Variants in APBB2 observed in about 807,000 individuals in gnomAD.
APBB2 encodes the protein Fe65-like 1.
In APBB2, 38 loss-of-function variants were observed where a neutral mutation model predicts 82.5. The observed-to-expected ratio is 0.46, with a 90% CI of 0.36 to 0.60. APBB2 has a LOEUF of 0.60. Among genes scored for constraint, APBB2 ranks in the 20% least tolerant of loss-of-function variants. APBB2 has a pLI of 0.00. For synonymous variants in APBB2, 341 were observed against 368.2 expected (o/e 0.93, Z 0.85); for missense variants, 772 against 972.3 (o/e 0.79, Z 2.74).
At chr4:40,838,862 A>T (rs1184514096) in intron 12 of APBB2, among the ~76,000 whole-genome samples, 1 of 152,174 alleles carries the variant, frequency 6.6e-6, no homozygotes, top group Non-Finnish European at 1.5e-5. Context: ...GAATTTGCTT[A>T]TGTGTTTACC....
intron 1 of APBB2, among the ~76,000 whole-genome samples, chr4:41,199,839 A>G (rs1489856958): frequency 6.6e-6 from 1 of 152,214 alleles, no homozygotes; most frequent in Non-Finnish European, 1.5e-5. Flanking sequence ...GCTCTACATC[A>G]GCTATACTTT....
intron 1 of APBB2, among the ~76,000 whole-genome samples, chr4:41,190,086 TA>T (rs1440232989): frequency 6.6e-6 from 1 of 150,786 alleles, no homozygotes; most frequent in African/African-American, 2.5e-5. Context: ...CACGTGCTAT[TA>T]TTTTTTTTCA....
intron 10 of APBB2, among the ~76,000 whole-genome samples, chr4:40,933,302 C>G (rs893834337): frequency 1.1e-4 from 16 of 152,316 alleles, no homozygotes; most frequent in African/African-American, 3.8e-4. Flanking sequence ...TCTGGGTACC[C>G]TCTCCCATCA....
intron 5 of APBB2, among the ~76,000 whole-genome samples, chr4:41,030,296 A>G (rs1716233071): frequency 1.3e-5 from 2 of 152,226 alleles, no homozygotes; most frequent in South Asian, 4.1e-4. Flanking sequence ...TCAGTTATTT[A>G]GGAAGCACAA....
chr4:40,833,097 A>G (rs1405651376), intron 12 of APBB2, among the ~76,000 whole-genome samples: 1 of 152,182 alleles, frequency 6.6e-6, no homozygotes, highest in African/African-American at 2.4e-5. Flanking sequence ...TTTGGAGATC[A>G]CACTCAAGGG....
At position 40,826,126 on chromosome 4, in the gene APBB2, G is replaced by T; in HGVS notation, c.1733-156C>A. 1 of 635,472 alleles carries T rather than the reference G, an allele frequency of 1.6e-6. No individual in the cohort carries two copies. The allele number at this position is 635,472 out of a possible 1,614,324, so 39.4% of individuals were successfully genotyped here. A position where few individuals can be genotyped will look rare whatever the true frequency, so the allele number is the denominator to read the frequency against. ...ATGTAACAACTATTCTACAAGAGCA[G>T]CATTACTCCAGATATTGGGGCTCTG... On this transcript the variant is annotated intron_variant, in intron 14 of 17. Transcript: ENST00000508593. The surrounding 1 kb of genome is among the most constrained non-coding windows in gnomAD (Gnocchi z 4.5).
chr4:41,063,879 A>T (rs73138572), intron 4 of APBB2, among the ~76,000 whole-genome samples: 30,470 of 141,670 alleles, frequency 0.22, 4,077 homozygotes, highest in East Asian at 0.55. Flanking sequence ...GGGTTTCATC[A>T]TGTTGCCCAA....
chr4:41,021,649 G>C (rs553587701), intron 5 of APBB2, among the ~76,000 whole-genome samples: 3 of 152,146 alleles, frequency 2.0e-5, no homozygotes, highest in Non-Finnish European at 2.9e-5. Flanking sequence ...TCTGTAAAAT[G>C]GACCAATCAG....
chr4:40,826,936 G>A lies in APBB2; in HGVS notation c.1732+196C>T. The A allele has an allele frequency of 3.8e-6, 2 of 521,312 alleles. No individual in the cohort carries two copies. Among genetic ancestry groups the A allele is most frequent in the Non-Finnish European group, 6.8e-6 (2 of 292,902 alleles). 32.3% of individuals were successfully genotyped at this position (521,312 alleles called of 1,614,324 possible). ...TCCAATAACAACAAAACTCATCCTG[G>A]CTTTATGCCTAACCCTAGTGATGCA... On this transcript the variant is annotated intron_variant, in intron 14 of 17. Transcript: ENST00000508593. The surrounding 1 kb of genome is among the most constrained non-coding windows in gnomAD (Gnocchi z 4.5).
intron 6 of APBB2, among the ~76,000 whole-genome samples, chr4:40,967,054 C>G (rs1284573835): frequency 6.6e-6 from 1 of 152,130 alleles, no homozygotes; most frequent in Non-Finnish European, 1.5e-5. Flanking sequence ...ATAAAAACCC[C>G]AGGTTCAGCC....
chr4:40,907,366 T>G, intron 10 of APBB2, among the ~76,000 whole-genome samples: 1 of 86,062 alleles, frequency 1.2e-5, no homozygotes, highest in South Asian at 3.8e-4. Flanking sequence ...TATATATATA[T>G]ATATATATAT....
intron 10 of APBB2, among the ~76,000 whole-genome samples, chr4:40,918,724 C>T (rs531004409): frequency 2.2e-4 from 30 of 139,068 alleles, no homozygotes; most frequent in Non-Finnish European, 3.7e-4. Context: ...CTTCCTTCCT[C>T]CCTCCCTCCC....
intron 12 of APBB2, among the ~76,000 whole-genome samples, chr4:40,833,168 C>A (rs910808769): frequency 1.6e-4 from 25 of 152,232 alleles, no homozygotes; most frequent in Non-Finnish European, 1.2e-4. Flanking sequence ...CGTCTCCCGG[C>A]ACACAACTCC....
chr4:41,178,698 A>G (rs1770506367), intron 1 of APBB2, among the ~76,000 whole-genome samples: 2 of 152,206 alleles, frequency 1.3e-5, no homozygotes, highest in South Asian at 4.1e-4. Context: ...TGACCTTCAT[A>G]GTAAGCTTTT....
intron 1 of APBB2, among the ~76,000 whole-genome samples, chr4:41,196,852 T>C: frequency 6.6e-6 from 1 of 152,312 alleles, no homozygotes; most frequent in South Asian, 2.1e-4. Flanking sequence ...TTTGCCATCA[T>C]AGCTCTGAAA....
At chr4:40,910,306 T>TG (rs1778206242) in intron 10 of APBB2, among the ~76,000 whole-genome samples, 1 of 152,060 alleles carries the variant, frequency 6.6e-6, no homozygotes, top group South Asian at 2.1e-4. Flanking sequence ...GGTAAGATCA[T>TG]GGCTCATTGC....
chr4:40,982,273 A>G (rs200256153), intron 6 of APBB2, among the ~76,000 whole-genome samples: 782 of 28,956 alleles, frequency 0.027, 63 homozygotes, highest in Non-Finnish European at 0.037. Context: ...AAAGAAAGAA[A>G]GAAAGAAAGA....
chr4:41,023,768 TAC>T (rs765670639), intron 5 of APBB2, among the ~76,000 whole-genome samples: 1 of 152,212 alleles, frequency 6.6e-6, no homozygotes, highest in South Asian at 2.1e-4. Context: ...CAAAGCAATT[TAC>T]AGATTCAATA....
At chr4:40,931,778 T>C (rs1784275345) in intron 10 of APBB2, among the ~76,000 whole-genome samples, 1 of 152,128 alleles carries the variant, frequency 6.6e-6, no homozygotes, top group South Asian at 2.1e-4. Flanking sequence ...GCACTGATTA[T>C]TCTCTTATAT....
Sources: gnomAD v4.1 joint callset for allele counts (sites outside exome capture counted in the v4.1 genomes callset) on GRCh38, gnomAD v4.1.1 for gene constraint, Gnocchi (gnomAD v3.1) non-coding constraint, MANE v1.5 for transcripts, NCBI Gene and HGNC (gene_info 2026-07-23, HGNC 2026-07-21) for gene names.